SUPT3H: variants seen among roughly 807,000 people sequenced by gnomAD.
SUPT3H encodes transcription initiation protein SPT3 homolog.
A neutral mutation model predicts 44.3 loss-of-function variants in SUPT3H; 44 were observed. That is an observed-to-expected ratio of 0.99 (90% confidence interval 0.78 to 1.28). The LOEUF (loss-of-function observed/expected upper bound fraction) is 1.28. SUPT3H is among the 50% of genes most tolerant of loss of function. The pLI, the probability that SUPT3H is intolerant of heterozygous loss-of-function variation, is 0.00. For synonymous variants in SUPT3H, 124 were observed against 125.6 expected (o/e 0.99, Z 0.09); for missense variants, 380 against 387.1 (o/e 0.98, Z 0.15).
At chr6:45,022,608 C>T (rs2153519184) in intron 3 of SUPT3H, among the ~76,000 whole-genome samples, 1 of 152,100 alleles carries the variant, frequency 6.6e-6, no homozygotes, top group East Asian at 1.9e-4. Flanking sequence ...CCTTGTCTGC[C>T]TTGGACCTCT....
intron 10 of SUPT3H, among the ~76,000 whole-genome samples, chr6:44,889,403 TG>T (rs934194159): frequency 1.3e-5 from 2 of 152,194 alleles, no homozygotes; most frequent in African/African-American, 2.4e-5. Flanking sequence ...AGCATGGTAC[TG>T]GTACCAAAAC....
chr6:45,314,354 T>C (rs1017153809), intron 2 of SUPT3H, among the ~76,000 whole-genome samples: 1 of 152,166 alleles, frequency 6.6e-6, no homozygotes, highest in African/African-American at 2.4e-5. Context: ...AGTCAGACTG[T>C]TGCCGTTTGC....
intron 3 of SUPT3H, among the ~76,000 whole-genome samples, chr6:45,061,129 A>G (rs981484727): frequency 2.6e-5 from 4 of 152,224 alleles, no homozygotes; most frequent in African/African-American, 9.7e-5. Context: ...TCATTCAATT[A>G]TAAAGATACA....
At chr6:44,868,295 G>A (rs1423726856) in intron 10 of SUPT3H, among the ~76,000 whole-genome samples, 5 of 152,092 alleles carry the variant, frequency 3.3e-5, no homozygotes, top group Non-Finnish European at 7.4e-5. Flanking sequence ...GGACCATGCT[G>A]GAAGCAAACA....
intron 2 of SUPT3H, among the ~76,000 whole-genome samples, chr6:45,340,830 G>A (rs182784121): frequency 2.0e-5 from 3 of 152,016 alleles, no homozygotes; most frequent in East Asian, 1.9e-4. Flanking sequence ...TCATAAATAT[G>A]ATTATAATCA....
intron 3 of SUPT3H, among the ~76,000 whole-genome samples, chr6:45,028,896 C>CAAAAAAAAAAA (rs57234806): frequency 6.2e-4 from 44 of 70,980 alleles, no homozygotes; most frequent in Non-Finnish European, 8.2e-4. Context: ...AAACAGTTGC[C>CAAAAAAAAAAA]AAAAAAAAAA....
chr6:44,934,330 T>G (rs1281673051), intron 9 of SUPT3H, among the ~76,000 whole-genome samples: 1 of 152,212 alleles, frequency 6.6e-6, no homozygotes, highest in Non-Finnish European at 1.5e-5. Flanking sequence ...TACATAAGGA[T>G]ACTTACTATA....
intron 2 of SUPT3H, among the ~76,000 whole-genome samples, chr6:45,185,621 A>T (rs902005860): frequency 3.9e-5 from 6 of 152,174 alleles, no homozygotes; most frequent in African/African-American, 1.4e-4. Flanking sequence ...CACTGCCAAC[A>T]CCAATGAACT....
intron 10 of SUPT3H, among the ~76,000 whole-genome samples, chr6:44,887,127 T>A (rs1174077845): frequency 2.0e-5 from 3 of 152,098 alleles, no homozygotes; most frequent in Non-Finnish European, 4.4e-5. Flanking sequence ...GCAAGTCCTG[T>A]GTGACCAACA....
chr6:44,921,843 T>C (rs1321916540), intron 10 of SUPT3H, among the ~76,000 whole-genome samples: 1 of 152,164 alleles, frequency 6.6e-6, no homozygotes, highest in Non-Finnish European at 1.5e-5. Flanking sequence ...AGCCAGAAAG[T>C]CAACTCAAAT....
At chr6:44,989,306 G>T (rs1169615346) in intron 6 of SUPT3H, among the ~76,000 whole-genome samples, 1 of 151,972 alleles carries the variant, frequency 6.6e-6, no homozygotes, top group East Asian at 1.9e-4. Context: ...AGTCACAAAT[G>T]GCACAATATC....
chr6:45,139,771 C>A (rs551861759), intron 2 of SUPT3H, among the ~76,000 whole-genome samples: 2 of 145,212 alleles, frequency 1.4e-5, no homozygotes, highest in Non-Finnish European at 3.0e-5. Context: ...GGGAAGCCCA[C>A]CTTCATATAT....
chr6:45,296,738 C>CCA (rs777777674), intron 2 of SUPT3H, among the ~76,000 whole-genome samples: 1 of 29,710 alleles, frequency 3.4e-5, no homozygotes, highest in African/African-American at 9.6e-5. Flanking sequence ...GACTCTGTCT[C>CCA]AAAAAAAAAA....
intron 3 of SUPT3H, among the ~76,000 whole-genome samples, chr6:45,028,681 C>G (rs1786409332): frequency 6.6e-6 from 1 of 151,860 alleles, no homozygotes; most frequent in African/African-American, 2.4e-5. Context: ...TTAACCTTCA[C>G]AGCAAACTTA....
chr6:44,975,178 C>CAAACAAAT (rs1692623271), intron 6 of SUPT3H, among the ~76,000 whole-genome samples: 1 of 151,578 alleles, frequency 6.6e-6, no homozygotes, highest in Admixed American at 6.6e-5. Flanking sequence ...CTCAAACAAA[C>CAAACAAAT]AAACAAACAA....
rs1390486538 is a variant in SUPT3H at position 44,928,847 on chromosome 6, C to A, written c.912+3806G>T. Reference sequence around the variant, plus strand: ...GCAGTGAGCGGAGATCGCGCCACAGCACTCCCGCCTGGGCGACAGAACGAG... The same window carrying A: ...GCAGTGAGCGGAGATCGCGCCACAGAACTCCCGCCTGGGCGACAGAACGAG... On this transcript the variant is annotated intron_variant, in intron 10 of 10. Transcript: ENST00000371459. 5.2e-5 allele frequency among the ~76,000 whole-genome samples: 6 copies of A among 114,374 alleles called. No individual in the cohort carries two copies. The Admixed American group carries it at 7.5e-4, about 14-fold the overall frequency. The allele number at this position is 114,374 out of a possible 152,430, so 75.0% of individuals were successfully genotyped here.
intron 2 of SUPT3H, among the ~76,000 whole-genome samples, chr6:45,247,718 C>T (rs1439520174): frequency 1.4e-5 from 2 of 147,092 alleles, no homozygotes; most frequent in Non-Finnish European, 3.0e-5. Flanking sequence ...GACATAGAAA[C>T]CCAATTCTAA....
intron 2 of SUPT3H, among the ~76,000 whole-genome samples, chr6:45,140,883 G>A (rs1288809171): frequency 5.3e-5 from 8 of 152,144 alleles, no homozygotes; most frequent in African/African-American, 1.7e-4. Flanking sequence ...GTCACCAAGT[G>A]GGACAAAAGA....
In SUPT3H at chr6:44,867,237, C is replaced by T. The variant is rs138656185; in HGVS notation, c.913-37380G>A. On this transcript the variant is annotated intron_variant, in intron 10 of 10. Transcript: ENST00000371459. ...TGTGATCTCAGCTCACTGCAACCTC[C>T]GCCTCCTGGGCTCAAGTGATTCTCC... is the stretch of plus-strand genomic sequence containing the variant. Among the ~76,000 whole-genome samples, 597 of 151,120 alleles carry T rather than the reference C, an allele frequency of 4.0e-3. 7 individuals are homozygous for T. Among genetic ancestry groups the T allele is most frequent in the African/African-American group, 0.014 (567 of 41,114 alleles).
Sources: allele counts gnomAD v4.1 joint callset (sites outside exome capture counted in the v4.1 genomes callset), GRCh38; gene constraint gnomAD v4.1.1; transcripts MANE v1.5; gene names NCBI Gene and HGNC (gene_info 2026-07-23, HGNC 2026-07-21).